RASGRP3: variants seen among roughly 807,000 people sequenced by gnomAD.
The protein encoded by RASGRP3 is RAS guanyl releasing protein 3.
A neutral mutation model predicts 82.7 loss-of-function variants in RASGRP3; 54 were observed. That is an observed-to-expected ratio of 0.65 (90% CI 0.52 to 0.82). The LOEUF (loss-of-function observed/expected upper bound fraction) is 0.82. RASGRP3 is among the 40% of genes least tolerant of loss of function. RASGRP3 has a pLI of 0.00. For missense variants in RASGRP3, 861 were observed against 828.9 expected, an observed-to-expected ratio of 1.04 and a Z score of -0.48; for synonymous variants, 309 against 300.5, an observed-to-expected ratio of 1.03 and a Z score of -0.29.
chr2:33,553,806 T>G (rs1675610590), intron 14 of RASGRP3, among the ~76,000 whole-genome samples: 1 of 152,196 alleles, frequency 6.6e-6, no homozygotes, highest in South Asian at 2.1e-4. Flanking sequence ...TGGCGCGATC[T>G]TGGCTCACTG....
intron 1 of RASGRP3, among the ~76,000 whole-genome samples, chr2:33,439,992 C>T (rs1361046284): frequency 6.6e-6 from 1 of 152,014 alleles, no homozygotes; most frequent in Non-Finnish European, 1.5e-5. Context: ...GTTTTGCAAA[C>T]TAATTGGGTA....
intron 11 of RASGRP3, among the ~76,000 whole-genome samples, chr2:33,537,887 T>C (rs1255340916): frequency 6.6e-6 from 1 of 152,192 alleles, no homozygotes; most frequent in East Asian, 1.9e-4. Flanking sequence ...CTTGTAAGAA[T>C]GCAGAAAAAT....
intron 1 of RASGRP3, among the ~76,000 whole-genome samples, chr2:33,485,493 C>T (rs115887279): frequency 0.015 from 2,322 of 152,328 alleles, 58 homozygotes; most frequent in African/African-American, 0.053. Context: ...CCTTTGGCAA[C>T]ACCCAAAAAT....
At chr2:33,559,720 G>A in intron 17 of RASGRP3, 1 of 484,004 alleles carries the variant, frequency 2.1e-6, no homozygotes, top group African/African-American at 1.9e-5. Flanking sequence ...AACATTTAAA[G>A]CAATGTCATG....
intron 2 of RASGRP3, among the ~76,000 whole-genome samples, chr2:33,448,883 T>C (rs533197116): frequency 7.2e-5 from 11 of 152,220 alleles, no homozygotes; most frequent in Non-Finnish European, 8.8e-5. Context: ...GTGAATTGTA[T>C]GGTATGTGAA....
At chr2:33,507,170 C>G (rs1459741884) in intron 1 of RASGRP3, among the ~76,000 whole-genome samples, 2 of 152,086 alleles carry the variant, frequency 1.3e-5, no homozygotes, top group East Asian at 3.9e-4. Context: ...CCAAGGTGGG[C>G]AGATCACTTG....
At chr2:33,513,874 TG>T (rs1671174999) in intron 2 of RASGRP3, 1 of 152,106 alleles carries the variant, frequency 6.6e-6, no homozygotes, top group African/African-American at 2.4e-5. Context: ...TGTGGAGGAG[TG>T]ATACCCTTTA....
intron 2 of RASGRP3, among the ~76,000 whole-genome samples, chr2:33,453,829 C>T (rs759695138): frequency 6.6e-6 from 1 of 152,150 alleles, no homozygotes; most frequent in African/African-American, 2.4e-5. Flanking sequence ...CTTTTCTATA[C>T]TTTAAAAGTT....
intron 1 of RASGRP3, among the ~76,000 whole-genome samples, chr2:33,490,388 C>T (rs1286693883): frequency 2.0e-5 from 3 of 152,260 alleles, no homozygotes; most frequent in Non-Finnish European, 4.4e-5. Context: ...CCTCTGCCCA[C>T]AGTTCTGTAA....
At chr2:33,473,013 G>T (rs1667150038), upstream of RASGRP3, among the ~76,000 whole-genome samples, 1 of 151,948 alleles carries the variant, frequency 6.6e-6, no homozygotes, top group Non-Finnish European at 1.5e-5. Context: ...GTGAAGACAA[G>T]TATTTTTTCA....
intron 1 of RASGRP3, among the ~76,000 whole-genome samples, chr2:33,442,847 A>G (rs1558389867): frequency 6.6e-6 from 1 of 151,654 alleles, no homozygotes; most frequent in East Asian, 1.9e-4. Context: ...CATTACAAAG[A>G]TATTATTGTT....
chr2:33,528,303 A>G (rs1672777000), intron 10 of RASGRP3, among the ~76,000 whole-genome samples: 1 of 152,246 alleles, frequency 6.6e-6, no homozygotes. Flanking sequence ...GATGTGGCTT[A>G]GACAAAAGAA....
chr2:33,471,535 G>A (rs10185666), intron 2 of RASGRP3, among the ~76,000 whole-genome samples: 122,212 of 151,592 alleles, frequency 0.81, 49,423 homozygotes, highest in South Asian at 0.88. Context: ...TTAGTCTGTG[G>A]TTTTCTTTAT....
chr2:33,540,564 G>T (rs1332826465), intron 12 of RASGRP3, among the ~76,000 whole-genome samples: 5 of 18,188 alleles, frequency 2.7e-4, no homozygotes, highest in African/African-American at 1.6e-3. Flanking sequence ...TTTTGTGTGT[G>T]TGTGTGTGTG....
intron 6 of RASGRP3, 132 bp from the exon 7 acceptor site, chr2:33,521,823 A>T: frequency 9.2e-7 from 1 of 1,090,958 alleles, no homozygotes. Flanking sequence ...CTCTTCCAAT[A>T]TGAAAGACAG....
chr2:33,473,517 G>A (rs1348907872), upstream of RASGRP3, among the ~76,000 whole-genome samples: 1 of 152,186 alleles, frequency 6.6e-6, no homozygotes, highest in Non-Finnish European at 1.5e-5. Flanking sequence ...CTAAGCAGGT[G>A]GGAGACACAG....
chr2:33,494,585 G>A (rs369300096), intron 1 of RASGRP3, among the ~76,000 whole-genome samples: 14 of 152,316 alleles, frequency 9.2e-5, no homozygotes, highest in African/African-American at 3.4e-4. Flanking sequence ...TAGAGAGGAA[G>A]TGGGAGAGAG....
intron 1 of RASGRP3, among the ~76,000 whole-genome samples, chr2:33,495,964 A>T (rs1335835002): frequency 6.6e-6 from 1 of 152,198 alleles, no homozygotes; most frequent in East Asian, 1.9e-4. Flanking sequence ...AATGAGCAGA[A>T]CCAATTTTTC....
intron 2 of RASGRP3, among the ~76,000 whole-genome samples, chr2:33,452,562 G>A (rs1281240429): frequency 1.3e-5 from 2 of 152,288 alleles, no homozygotes; most frequent in African/African-American, 2.4e-5. Context: ...TGTTTGCAGG[G>A]GCTGGCCTGA....
Sources: allele counts gnomAD v4.1 joint callset (sites outside exome capture counted in the v4.1 genomes callset), GRCh38; gene constraint gnomAD v4.1.1; transcripts MANE v1.5; gene names NCBI Gene and HGNC (gene_info 2026-07-23, HGNC 2026-07-21).